CSMD1: variants seen among roughly 807,000 people sequenced by gnomAD.
CSMD1 encodes CUB and Sushi multiple domains 1.
A neutral mutation model predicts 417.5 loss-of-function variants in CSMD1; 213 were observed. The observed-to-expected ratio is 0.51, with a 90% CI of 0.46 to 0.57. CSMD1 has a LOEUF of 0.57. CSMD1 is among the 20% of genes least tolerant of loss of function. The pLI, the probability that CSMD1 is intolerant of heterozygous loss-of-function variation, is 0.00. For missense variants in CSMD1, 6,923 were observed against 4,529.7 expected, an observed-to-expected ratio of 1.53 and a Z score of -15.17; for synonymous variants, 2,862 against 1,736.8, an observed-to-expected ratio of 1.65 and a Z score of -16.11.
At chr8:4,085,402 A>T (rs781417187) in intron 3 of CSMD1, among the ~76,000 whole-genome samples, 39 of 152,208 alleles carry the variant, frequency 2.6e-4, no homozygotes, top group Admixed American at 7.2e-4. Context: ...CAAAAAACTG[A>T]TATTTTACAT....
chr8:3,399,644 G>T (rs903875599), intron 15 of CSMD1, 115 bp from the exon 16 acceptor site: 5 of 748,132 alleles, frequency 6.7e-6, no homozygotes, highest in Non-Finnish European at 9.9e-6. Context: ...ATATTTTCAA[G>T]TATCAAAGCA....
At chr8:4,669,265 C>T (rs960816960) in intron 1 of CSMD1, among the ~76,000 whole-genome samples, 2 of 152,126 alleles carry the variant, frequency 1.3e-5, no homozygotes, top group African/African-American at 4.8e-5. Context: ...CTGATTTTTA[C>T]CTCTGTTATC....
intron 49 of CSMD1, among the ~76,000 whole-genome samples, chr8:3,072,566 G>C (rs7826708): frequency 6.6e-6 from 1 of 152,158 alleles, no homozygotes; most frequent in Non-Finnish European, 1.5e-5. Context: ...GTGTTTATGT[G>C]CATGTGTGCC....
chr8:4,053,721 C>T (rs1336429030), intron 3 of CSMD1, among the ~76,000 whole-genome samples: 1 of 152,048 alleles, frequency 6.6e-6, no homozygotes, highest in Non-Finnish European at 1.5e-5. Flanking sequence ...GAGGAAAATG[C>T]TCCAGAACTG....
intron 11 of CSMD1, among the ~76,000 whole-genome samples, chr8:3,470,027 A>G (rs1008464418): frequency 6.6e-6 from 1 of 152,106 alleles, no homozygotes; most frequent in Non-Finnish European, 1.5e-5. Flanking sequence ...ACAGATCGTG[A>G]ATGTCTAACT....
chr8:3,776,575 C>G (rs1798894911), intron 5 of CSMD1, among the ~76,000 whole-genome samples: 1 of 152,120 alleles, frequency 6.6e-6, no homozygotes, highest in African/African-American at 2.4e-5. Flanking sequence ...GGTGACTCAC[C>G]TTCTTCCTAC....
At chr8:3,980,912 T>C (rs989944197) in intron 5 of CSMD1, among the ~76,000 whole-genome samples, 10 of 152,172 alleles carry the variant, frequency 6.6e-5, no homozygotes, top group African/African-American at 1.4e-4. Flanking sequence ...AAATTCACAA[T>C]TGTTCTAAAA....
intron 3 of CSMD1, among the ~76,000 whole-genome samples, chr8:4,233,842 G>A (rs1017960372): frequency 4.0e-5 from 6 of 151,876 alleles, no homozygotes; most frequent in African/African-American, 1.5e-4. Flanking sequence ...TTATTATTTG[G>A]CCATATATAA....
chr8:4,182,045 GGT>G (rs1458134716), intron 3 of CSMD1, among the ~76,000 whole-genome samples: 3 of 53,204 alleles, frequency 5.6e-5, no homozygotes, highest in Non-Finnish European at 1.0e-4. Flanking sequence ...TGTGTGTGTC[GGT>G]GTGTGTGTGT....
chr8:4,060,736 C>T (rs1056862520), intron 3 of CSMD1, among the ~76,000 whole-genome samples: 10 of 152,100 alleles, frequency 6.6e-5, no homozygotes, highest in African/African-American at 2.4e-4. Flanking sequence ...GTGCTCAAAG[C>T]ATCACAGCTA....
At chr8:4,183,631 T>C (rs1174448868) in intron 3 of CSMD1, among the ~76,000 whole-genome samples, 1 of 152,232 alleles carries the variant, frequency 6.6e-6, no homozygotes, top group African/African-American at 2.4e-5. Context: ...GTCAAATTGA[T>C]AAGCACAATT....
chr8:3,191,371 G>A (rs1449384786), intron 33 of CSMD1, among the ~76,000 whole-genome samples: 3 of 152,102 alleles, frequency 2.0e-5, no homozygotes, highest in South Asian at 2.1e-4. Flanking sequence ...CAGGATAATC[G>A]CTTCACCCTG....
intron 1 of CSMD1, among the ~76,000 whole-genome samples, chr8:4,752,235 C>G (rs750734413): frequency 2.0e-5 from 3 of 152,028 alleles, no homozygotes; most frequent in Non-Finnish European, 4.4e-5. Context: ...ATTTTTTTGT[C>G]TCAGTGTATA....
chr8:4,051,959 C>G (rs944555661), intron 3 of CSMD1, among the ~76,000 whole-genome samples: 21 of 150,370 alleles, frequency 1.4e-4, no homozygotes, highest in Admixed American at 8.7e-4. Flanking sequence ...GAGTTTCACT[C>G]TTGTTGCCCA....
At chr8:4,327,011 G>A (rs910100963) in intron 3 of CSMD1, among the ~76,000 whole-genome samples, 1 of 152,110 alleles carries the variant, frequency 6.6e-6, no homozygotes, top group Non-Finnish European at 1.5e-5. Context: ...AGAATTGGGA[G>A]AACCAGACCA....
intron 8 of CSMD1, among the ~76,000 whole-genome samples, chr8:3,602,312 T>A (rs1054213058): frequency 6.6e-6 from 1 of 152,088 alleles, no homozygotes; most frequent in East Asian, 1.9e-4. Flanking sequence ...CTAGGGCAGA[T>A]CAATGAACAC....
At chr8:3,253,723 C>G (rs1800441457) in intron 26 of CSMD1, among the ~76,000 whole-genome samples, 1 of 151,946 alleles carries the variant, frequency 6.6e-6, no homozygotes, top group Non-Finnish European at 1.5e-5. Flanking sequence ...TTTCTGTTTG[C>G]TTGGTAGATC....
chr8:4,022,020 GA>G (rs1796812660), intron 4 of CSMD1, among the ~76,000 whole-genome samples: 1 of 151,478 alleles, frequency 6.6e-6, no homozygotes, highest in Admixed American at 6.6e-5. Flanking sequence ...TCCAACACTG[GA>G]AAGTCCAGGT....
chr8:4,523,494 T>C (rs1191333230), intron 2 of CSMD1, among the ~76,000 whole-genome samples: 10 of 152,162 alleles, frequency 6.6e-5, no homozygotes, highest in Admixed American at 6.5e-4. Context: ...AAGAGGAGTG[T>C]AGGATGGCTG....
Sources: allele counts gnomAD v4.1 joint callset (sites outside exome capture counted in the v4.1 genomes callset), GRCh38; gene constraint gnomAD v4.1.1; transcripts MANE v1.5; gene names NCBI Gene and HGNC (gene_info 2026-07-23, HGNC 2026-07-21).